The following ERC1 variants were observed in gnomAD, a reference collection of about 807,000 sequenced individuals.
ERC1 encodes the protein ELKS/RAB6-interacting/CAST family member 1, also known as RAB6 interacting protein 2.
A neutral mutation model predicts 132.0 loss-of-function variants in ERC1; 56 were observed. The observed-to-expected ratio is 0.42, with a 90% confidence interval of 0.34 to 0.53. The LOEUF is 0.53. Among genes scored for constraint, ERC1 ranks in the 20% least tolerant of loss-of-function variants. The probability of loss-of-function intolerance (pLI) is 0.03; values close to 1 mark genes in which losing one functional copy is unlikely to be tolerated. For missense variants in ERC1, 1,202 were observed against 1,349.9 expected, an observed-to-expected ratio of 0.89 and a Z score of 1.72; for synonymous variants, 478 against 476.1, an observed-to-expected ratio of 1.00 and a Z score of -0.05.
intron 8 of ERC1, among the ~76,000 whole-genome samples, chr12:1,172,459 C>T (rs766946750): frequency 1.3e-5 from 2 of 152,142 alleles, no homozygotes; most frequent in Non-Finnish European, 2.9e-5. Context: ...CAGAGCAAGA[C>T]CCTGTCTCAA....
chr12:1,379,790 T>C (rs11061729), intron 16 of ERC1, among the ~76,000 whole-genome samples: 61,615 of 151,862 alleles, frequency 0.41, 13,737 homozygotes, highest in African/African-American at 0.59. Context: ...CTTCCATAAC[T>C]GAATCTCAGA....
chr12:1,465,108 A>C (rs565639631), intron 18 of ERC1, among the ~76,000 whole-genome samples: 27 of 152,206 alleles, frequency 1.8e-4, no homozygotes, highest in African/African-American at 6.3e-4. Context: ...CTTGACAATT[A>C]CTGTAATCCA....
intron 11 of ERC1, among the ~76,000 whole-genome samples, chr12:1,187,839 C>T (rs1955280535): frequency 6.6e-6 from 1 of 152,058 alleles, no homozygotes; most frequent in South Asian, 2.1e-4. Flanking sequence ...TAATTTATAG[C>T]CTCTATTAAG....
chr12:1,293,897 A>G (rs761791145), intron 15 of ERC1, among the ~76,000 whole-genome samples: 7 of 152,190 alleles, frequency 4.6e-5, no homozygotes, highest in African/African-American at 7.2e-5. Flanking sequence ...CTTTTAGTGG[A>G]CTTGGAAGCA....
rs1591658461 is a variant in ERC1 at position 1,382,960 on chromosome 12, G to A, written c.2925+10983G>A. Among the ~76,000 whole-genome samples the A allele has an allele frequency of 2.6e-5, 4 of 152,158 alleles. No individual in the cohort carries two copies. In the East Asian group the frequency reaches 7.7e-4, roughly 29 times the overall value. On this transcript the variant is annotated intron_variant, in intron 16 of 18. Transcript: ENST00000360905. The stretch of plus-strand genomic sequence containing the variant: ...GAAAGTCCAGAGGCTGGGAATGTGG[G>A]GAAACCTGGACTCATCCCAGGCTCC...
chr12:1,423,370 C>A (rs1027222099), intron 17 of ERC1, among the ~76,000 whole-genome samples: 1 of 152,212 alleles, frequency 6.6e-6, no homozygotes, highest in Non-Finnish European at 1.5e-5. Context: ...CAAATAAACT[C>A]TTTAAAATTT....
chr12:1,018,501 C>T (rs1965871029), intron 1 of ERC1, among the ~76,000 whole-genome samples: 1 of 152,206 alleles, frequency 6.6e-6, no homozygotes, highest in Non-Finnish European at 1.5e-5. Context: ...AGGCGTGAGC[C>T]ACCACACCCA....
At chr12:1,042,584 C>A (rs1190157878) in intron 2 of ERC1, among the ~76,000 whole-genome samples, 1 of 151,852 alleles carries the variant, frequency 6.6e-6, no homozygotes, top group Non-Finnish European at 1.5e-5. Flanking sequence ...GTGATCCACC[C>A]ACCTTGGCCT....
intron 15 of ERC1, among the ~76,000 whole-genome samples, chr12:1,315,579 G>A (rs565981119): frequency 6.6e-6 from 1 of 152,120 alleles, no homozygotes; most frequent in East Asian, 1.9e-4. Context: ...TCGAACTCCT[G>A]ACCTCAGGGG....
intron 18 of ERC1, among the ~76,000 whole-genome samples, chr12:1,478,199 CT>C (rs1329840976): frequency 6.6e-6 from 1 of 152,210 alleles, no homozygotes; most frequent in African/African-American, 2.4e-5. Context: ...GTTCCACGTC[CT>C]TGTCAGCACT....
At chr12:1,434,406 C>T (rs1240175573) in intron 17 of ERC1, among the ~76,000 whole-genome samples, 1 of 152,198 alleles carries the variant, frequency 6.6e-6, no homozygotes, top group Non-Finnish European at 1.5e-5. Flanking sequence ...TAGGAGCCTA[C>T]TTACTCTTTA....
intron 2 of ERC1, among the ~76,000 whole-genome samples, chr12:1,035,750 G>A (rs576043537): frequency 2.6e-5 from 4 of 151,928 alleles, no homozygotes; most frequent in East Asian, 3.9e-4. Context: ...GTGAAACCCC[G>A]TCTCTACTAA....
At chr12:1,437,935 T>C (rs887966461) in intron 17 of ERC1, among the ~76,000 whole-genome samples, 4 of 152,226 alleles carry the variant, frequency 2.6e-5, no homozygotes, top group African/African-American at 9.6e-5. Flanking sequence ...CATTTACACT[T>C]TGACAGACCA....
chr12:1,008,196 C>T (rs367733595), intron 1 of ERC1, among the ~76,000 whole-genome samples: 5 of 152,130 alleles, frequency 3.3e-5, no homozygotes, highest in South Asian at 4.1e-4. Context: ...TTCTTTTGGA[C>T]GGCACTGAGC....
chr12:1,276,860 A>G (rs1003566728), intron 14 of ERC1, among the ~76,000 whole-genome samples: 1 of 152,214 alleles, frequency 6.6e-6, no homozygotes, highest in Non-Finnish European at 1.5e-5. Flanking sequence ...TGGTAATTTT[A>G]TCATATTTTT....
In ERC1 at chr12:1,322,186, T is replaced by A. The variant is rs1273382464; in HGVS notation, c.2780+32174T>A. 3.9e-5 allele frequency among the ~76,000 whole-genome samples: 6 copies of A among 152,284 alleles called. No individual in the cohort carries two copies. The East Asian group carries it at 9.6e-4, about 24-fold the overall frequency. On this transcript the variant is annotated intron_variant, in intron 15 of 18. Transcript: ENST00000360905. Reference sequence around the variant, plus strand: ...GTCTTTTTGAACCAAGTTTTATCACTTAAAATGAGCATAATAATAACTAAT... The same window carrying A: ...GTCTTTTTGAACCAAGTTTTATCACATAAAATGAGCATAATAATAACTAAT...
At chr12:1,325,114 T>C (rs1333780272) in intron 15 of ERC1, among the ~76,000 whole-genome samples, 1 of 152,202 alleles carries the variant, frequency 6.6e-6, no homozygotes, top group African/African-American at 2.4e-5. Flanking sequence ...GACTTGGCTT[T>C]AGTCTTCAAG....
At chr12:1,196,062 T>TC (rs528266177) in intron 12 of ERC1, among the ~76,000 whole-genome samples, 1 of 152,130 alleles carries the variant, frequency 6.6e-6, no homozygotes, top group South Asian at 2.1e-4. Flanking sequence ...TTTTAATTAC[T>TC]CCCCCAAATC....
intron 3 of ERC1, among the ~76,000 whole-genome samples, chr12:1,103,355 T>C (rs1336072986): frequency 6.6e-6 from 1 of 152,058 alleles, no homozygotes; most frequent in Admixed American, 6.6e-5. Context: ...GGACTTGGGC[T>C]CTAGTTGGAG....
Sources: allele counts gnomAD v4.1 joint callset (sites outside exome capture counted in the v4.1 genomes callset), GRCh38; gene constraint gnomAD v4.1.1; transcripts MANE v1.5; gene names NCBI Gene and HGNC (gene_info 2026-07-23, HGNC 2026-07-21).